FSIP1: variants seen among roughly 807,000 people sequenced by gnomAD.
FSIP1 encodes fibrous sheath interacting protein 1, also known as fibrous sheath-interacting protein 1.
FSIP1 carries 65 observed loss-of-function variants against 60.9 expected under a neutral mutation model. The ratio of observed to expected loss-of-function variants is 1.07; its 90% CI spans 0.87 to 1.31. The LOEUF is 1.31. Ranked by LOEUF, FSIP1 falls within the 40% of genes most tolerant of loss-of-function variation. The pLI is 0.00. For synonymous variants in FSIP1, 209 were observed against 221.2 expected, an observed-to-expected ratio of 0.94 and a Z score of 0.49; for missense variants, 675 against 665.5, an observed-to-expected ratio of 1.01 and a Z score of -0.16.
intron 10 of FSIP1, among the ~76,000 whole-genome samples, chr15:39,648,453 G>GT (rs1488676813): frequency 6.6e-6 from 1 of 152,174 alleles, no homozygotes; most frequent in Admixed American, 6.5e-5. Flanking sequence ...CATACGCATC[G>GT]TAAGTTCTTA....
At chr15:39,644,698 T>C (rs1308371531) in intron 10 of FSIP1, among the ~76,000 whole-genome samples, 1 of 151,584 alleles carries the variant, frequency 6.6e-6, no homozygotes, top group African/African-American at 2.4e-5. Context: ...TTCAGCACTA[T>C]GATTTACAGG....
intron 10 of FSIP1, among the ~76,000 whole-genome samples, chr15:39,620,632 C>T (rs180687801): frequency 2.6e-3 from 388 of 150,940 alleles, no homozygotes; most frequent in African/African-American, 8.4e-3. Context: ...TGCTCTGTCG[C>T]GCAGGCTGGA....
intron 10 of FSIP1, among the ~76,000 whole-genome samples, chr15:39,625,651 T>C (rs1050182743): frequency 2.6e-5 from 4 of 152,162 alleles, no homozygotes; most frequent in Non-Finnish European, 4.4e-5. Context: ...TGTTATCACA[T>C]GTCTATCACT....
At chr15:39,776,912 T>G (rs774075417) in intron 1 of FSIP1, among the ~76,000 whole-genome samples, 12 of 152,094 alleles carry the variant, frequency 7.9e-5, no homozygotes, top group Non-Finnish European at 1.8e-4. Context: ...AATGATTTGC[T>G]AAGGCCCTCC....
At chr15:39,696,990 T>C (rs1419398564) in intron 10 of FSIP1, among the ~76,000 whole-genome samples, 1 of 151,556 alleles carries the variant, frequency 6.6e-6, no homozygotes, top group African/African-American at 2.4e-5. Flanking sequence ...GACAGGATCA[T>C]GACCAAGTGT....
At chr15:39,674,109 C>T (rs1329067225) in intron 10 of FSIP1, among the ~76,000 whole-genome samples, 1 of 150,850 alleles carries the variant, frequency 6.6e-6, no homozygotes, top group African/African-American at 2.4e-5. Context: ...GGCTGGAGTG[C>T]AGTGGCGCGA....
At chr15:39,709,300 A>G (rs1895401046) in intron 10 of FSIP1, among the ~76,000 whole-genome samples, 1 of 152,250 alleles carries the variant, frequency 6.6e-6, no homozygotes, top group Admixed American at 6.5e-5. Context: ...AGGAGGCAGA[A>G]TAAGGCAAAA....
chr15:39,612,092 T>C (rs1257353780), intron 11 of FSIP1, among the ~76,000 whole-genome samples: 1 of 152,182 alleles, frequency 6.6e-6, no homozygotes, highest in Admixed American at 6.5e-5. Context: ...CTTTCAATGA[T>C]GAAGAGATCA....
chr15:39,724,062 C>T (rs1896091501), intron 9 of FSIP1, among the ~76,000 whole-genome samples: 1 of 152,052 alleles, frequency 6.6e-6, no homozygotes. Context: ...AATGTGAGTC[C>T]CAAAATGTTG....
chr15:39,771,114 A>G (rs1359863770), intron 2 of FSIP1, among the ~76,000 whole-genome samples: 1 of 152,158 alleles, frequency 6.6e-6, no homozygotes, highest in African/African-American at 2.4e-5. Context: ...GTTTCCCTTT[A>G]TATTTTAGCA....
At chr15:39,683,478 G>C (rs1315180764) in intron 10 of FSIP1, among the ~76,000 whole-genome samples, 1 of 152,000 alleles carries the variant, frequency 6.6e-6, no homozygotes, top group Non-Finnish European at 1.5e-5. Context: ...ACTTAATGGT[G>C]AAAGATTGAA....
intron 5 of FSIP1, 45 bp from the exon 6 acceptor site, chr15:39,741,945 TAAG>T (rs137958287): frequency 0.046 from 46,510 of 1,015,974 alleles, 4,651 homozygotes; most frequent in Admixed American, 0.3. Flanking sequence ...CAAAATAAAT[TAAG>T]TAGTTGTCTA....
chr15:39,646,798 T>C (rs1892634981), intron 10 of FSIP1, among the ~76,000 whole-genome samples: 1 of 151,864 alleles, frequency 6.6e-6, no homozygotes, highest in Admixed American at 6.6e-5. Flanking sequence ...TTATTCACAA[T>C]AGTCAAGATA....
chr15:39,658,216 G>A (rs1488729316), intron 10 of FSIP1, among the ~76,000 whole-genome samples: 1 of 150,594 alleles, frequency 6.6e-6, no homozygotes, highest in Non-Finnish European at 1.5e-5. Flanking sequence ...ATTATATAAG[G>A]AAATTTGACT....
At chr15:39,634,219 T>C (rs971168660) in intron 10 of FSIP1, among the ~76,000 whole-genome samples, 1 of 152,228 alleles carries the variant, frequency 6.6e-6, no homozygotes, top group African/African-American at 2.4e-5. Context: ...TTCTCCAATA[T>C]TAAGGAAAAG....
At chr15:39,779,618 T>C (rs1395434211) in intron 1 of FSIP1, among the ~76,000 whole-genome samples, 1 of 152,234 alleles carries the variant, frequency 6.6e-6, no homozygotes, top group Non-Finnish European at 1.5e-5. Flanking sequence ...AATGAGCATT[T>C]TCTTATGACA....
chr15:39,750,974 A>G (rs896542332), intron 5 of FSIP1, among the ~76,000 whole-genome samples: 1 of 151,980 alleles, frequency 6.6e-6, no homozygotes, highest in South Asian at 2.1e-4. Context: ...GGCAAAGTAA[A>G]TAGATATTTT....
intron 10 of FSIP1, among the ~76,000 whole-genome samples, chr15:39,690,275 T>C (rs578043914): frequency 1.3e-5 from 2 of 152,224 alleles, no homozygotes; most frequent in Non-Finnish European, 2.9e-5. Context: ...GAGTGACATA[T>C]CATATTTGCA....
chr15:39,774,630 T>C (rs1897993640), intron 2 of FSIP1, among the ~76,000 whole-genome samples: 1 of 152,178 alleles, frequency 6.6e-6, no homozygotes, highest in South Asian at 2.1e-4. Flanking sequence ...CAGGACTAGA[T>C]GAAACAAAAC....
Sources: gnomAD v4.1 joint callset for allele counts (sites outside exome capture counted in the v4.1 genomes callset) on GRCh38, gnomAD v4.1.1 for gene constraint, MANE v1.5 for transcripts, NCBI Gene and HGNC (gene_info 2026-07-23, HGNC 2026-07-21) for gene names.